The following RAB1A variants were observed in gnomAD, a reference collection of about 807,000 sequenced individuals.
RAB1A encodes the protein RAB1A, member RAS oncogene family.
RAB1A carries 2 observed loss-of-function variants against 26.0 expected under a neutral mutation model. The observed-to-expected ratio is 0.08, with a 90% confidence interval of 0.03 to 0.24. RAB1A has a LOEUF of 0.24. Among genes scored for constraint, RAB1A ranks in the 10% least tolerant of loss-of-function variants. RAB1A has a pLI of 1.00. For synonymous variants in RAB1A, 84 were observed against 84.9 expected (o/e 0.99, Z 0.06); for missense variants, 100 against 247.0 (o/e 0.40, Z 3.99).
chr2:65,097,646 CAA>C (rs1207795022), intron 3 of RAB1A, among the ~76,000 whole-genome samples: 1 of 152,052 alleles, frequency 6.6e-6, no homozygotes. Flanking sequence ...AAAAGACAAA[CAA>C]AAATGGTCTA....
At chr2:65,117,834 G>A (rs944926951) in intron 1 of RAB1A, among the ~76,000 whole-genome samples, 37 of 151,646 alleles carry the variant, frequency 2.4e-4, no homozygotes, top group Non-Finnish European at 5.1e-4. Context: ...GCCTCCGAAA[G>A]TGCTGAGATT....
At position 65,088,935 on chromosome 2, in the gene RAB1A, A is replaced by T; in HGVS notation, c.420+4T>A. ...TCAGTATGAAAATTAAACTTTAAACATACCTTCGCTGTTGTGTAGTCTACT... is the reference window on the plus strand; with the variant it reads ...TCAGTATGAAAATTAAACTTTAAACTTACCTTCGCTGTTGTGTAGTCTACT... On this transcript the variant is annotated splice_donor_region_variant and intron_variant, in intron 5 of 5. Transcript: ENST00000409784. 2 of 1,596,074 alleles carry T rather than the reference A, an allele frequency of 1.3e-6. No individual in the cohort carries two copies. The highest frequency in any genetic ancestry group is 1.7e-6 in the Non-Finnish European group (2 of 1,170,504).
In RAB1A at chr2:65,125,770, C is replaced by CAAAAA. The variant is rs529815941; in HGVS notation, c.23+4118_23+4122dup. Among the ~76,000 whole-genome samples the CAAAAA allele has an allele frequency of 2.4e-3, 354 of 148,020 alleles. 2 individuals carry two copies. The highest frequency in any genetic ancestry group is 3.8e-3 in the Admixed American group (56 of 14,822). ...TCACTGCCTGCTTCAAAACGTAGCT[C>CAAAAA]AAAAAAAATCCACATTTTTCTTCAG... On this transcript the variant is annotated intron_variant, in intron 1 of 5. Transcript: ENST00000409784.
chr2:65,088,539 T>C lies in RAB1A; in HGVS notation c.572A>G (p.Lys191Arg). 6.2e-7 allele frequency: 1 copy of C among 1,613,428 alleles called. No individual in the cohort carries two copies. The highest frequency in any genetic ancestry group is 8.5e-7 in the Non-Finnish European group (1 of 1,179,738). The change falls in exon 6 of 6, where the codon AAA becomes AGA. Residue 191 changes from lysine (K) to arginine (R), a missense_variant. Physicochemically the swap from Lys to Arg is conservative, Grantham distance 26. Transcript: ENST00000409784. ...CTGCTTGACTGGAGTGCTCTGAATTTTAACATTGGACTTCTCAGCACCACC... is the reference window on the plus strand; with the variant it reads ...CTGCTTGACTGGAGTGCTCTGAATTCTAACATTGGACTTCTCAGCACCACC... Reference protein sequence around the residue: ...TAGGAEKSNVKIQSTPVKQSG... With the variant: ...TAGGAEKSNVRIQSTPVKQSG...
At chr2:65,116,952 A>T (rs1378533776) in intron 1 of RAB1A, among the ~76,000 whole-genome samples, 4 of 152,372 alleles carry the variant, frequency 2.6e-5, no homozygotes, top group Middle Eastern at 3.4e-3. Context: ...AGCAAGACAG[A>T]AAAACTGAGA....
At chr2:65,124,090 G>T (rs551184669) in intron 1 of RAB1A, among the ~76,000 whole-genome samples, 47 of 151,702 alleles carry the variant, frequency 3.1e-4, no homozygotes, top group African/African-American at 1.1e-3. Context: ...AGATTCAAGC[G>T]ATTCTCTTGT....
intron 1 of RAB1A, among the ~76,000 whole-genome samples, chr2:65,128,708 C>T (rs1670162585): frequency 6.6e-6 from 1 of 152,170 alleles, no homozygotes; most frequent in Admixed American, 6.6e-5. Flanking sequence ...ATTGACCAAA[C>T]CAGCAAATAA....
At chr2:65,122,159 A>T (rs1422318981) in intron 1 of RAB1A, among the ~76,000 whole-genome samples, 580 of 17,916 alleles carry the variant, frequency 0.032, 12 homozygotes, top group African/African-American at 0.11. Context: ...CTATCTCAAA[A>T]AAAAAAAAAA....
At chr2:65,107,046 C>G (rs1352918054) in intron 1 of RAB1A, among the ~76,000 whole-genome samples, 1 of 151,984 alleles carries the variant, frequency 6.6e-6, no homozygotes, top group Non-Finnish European at 1.5e-5. Context: ...AGCCACCATG[C>G]CTGGCCCCAA....
At chr2:65,098,129 G>A (rs1459210475) in intron 2 of RAB1A, 63 bp from the exon 3 acceptor site, 10 of 928,620 alleles carry the variant, frequency 1.1e-5, no homozygotes, top group South Asian at 4.3e-5. Flanking sequence ...AAGTCTAAGT[G>A]GAAAAAAAAA....
intron 2 of RAB1A, among the ~76,000 whole-genome samples, chr2:65,102,627 T>TAAAA (rs35458725): frequency 6.9e-6 from 1 of 145,150 alleles, no homozygotes; most frequent in African/African-American, 2.5e-5. Flanking sequence ...TCTTTCAAGT[T>TAAAA]AAAAAAAAAA....
intron 1 of RAB1A, among the ~76,000 whole-genome samples, chr2:65,108,598 G>A (rs891803709): frequency 3.3e-5 from 5 of 151,960 alleles, no homozygotes; most frequent in Non-Finnish European, 5.9e-5. Context: ...CCTGAGGTTG[G>A]GAGTTCGAGA....
At chr2:65,121,277 G>A (rs192815389) in intron 1 of RAB1A, among the ~76,000 whole-genome samples, 33 of 147,500 alleles carry the variant, frequency 2.2e-4, no homozygotes, top group Middle Eastern at 3.6e-3. Context: ...GGCTGGCACC[G>A]AGTAAGTGCT....
chr2:65,088,738 A>C, intron 5 of RAB1A, 48 bp from the exon 6 acceptor site: 1 of 1,473,258 alleles, frequency 6.8e-7, no homozygotes, highest in Non-Finnish European at 9.2e-7. Flanking sequence ...CTTTTTCACT[A>C]ATTCTTAGTG....
At chr2:65,089,135 A>C in intron 4 of RAB1A, 65 bp from the exon 5 acceptor site, 1 of 1,414,058 alleles carries the variant, frequency 7.1e-7, no homozygotes, top group Non-Finnish European at 9.7e-7. Flanking sequence ...AAACAGAAAC[A>C]TCGTTCCTGA....
At chr2:65,121,463 T>C (rs1240081419) in intron 1 of RAB1A, among the ~76,000 whole-genome samples, 1 of 152,030 alleles carries the variant, frequency 6.6e-6, no homozygotes, top group Non-Finnish European at 1.5e-5. Flanking sequence ...GTGTAGGGTG[T>C]TCCAGCCAAT....
intron 1 of RAB1A, among the ~76,000 whole-genome samples, chr2:65,126,398 T>C (rs1436524279): frequency 2.6e-5 from 4 of 151,242 alleles, no homozygotes; most frequent in Non-Finnish European, 5.9e-5. Context: ...ATCCCAACAC[T>C]TTGGGAGGCC....
intron 1 of RAB1A, among the ~76,000 whole-genome samples, chr2:65,119,942 T>C (rs1669919486): frequency 6.6e-6 from 1 of 151,572 alleles, no homozygotes; most frequent in African/African-American, 2.4e-5. Context: ...AGATGCCTAA[T>C]TTGGAGTTCA....
chr2:65,112,825 C>T (rs1052660347), intron 1 of RAB1A, among the ~76,000 whole-genome samples: 1 of 152,146 alleles, frequency 6.6e-6, no homozygotes, highest in South Asian at 2.1e-4. Context: ...GGTCTACTTT[C>T]GCAATATTGG....
Sources: gnomAD v4.1 joint callset for allele counts (sites outside exome capture counted in the v4.1 genomes callset) on GRCh38, gnomAD v4.1.1 for gene constraint, MANE v1.5 for transcripts, NCBI Gene and HGNC (gene_info 2026-07-23, HGNC 2026-07-21) for gene names.